UGT1A10: variants seen among roughly 807,000 people sequenced by gnomAD.
UGT1A10 encodes the protein UDP-glucuronosyltransferase 1A10.
In UGT1A10, 49 loss-of-function variants were observed where a neutral mutation model predicts 45.8. The ratio of observed to expected loss-of-function variants is 1.07; its 90% CI spans 0.85 to 1.36. The LOEUF (loss-of-function observed/expected upper bound fraction) is 1.36, where lower values mean the gene tolerates loss of function less well. UGT1A10 is among the 40% of genes most tolerant of loss of function. The pLI is 0.00. For synonymous variants in UGT1A10, 284 were observed against 249.7 expected (o/e 1.14, Z -1.29); for missense variants, 745 against 668.6 (o/e 1.11, Z -1.26).
chr2:233,716,263 C>A lies in UGT1A10; in HGVS notation c.856-50771C>A, dbSNP rs188566072. Reference sequence around the variant, plus strand: ...TGCCCGGACATCCAGCATAATCTCCCCATGTCAAAACCCTTAATATAATCA... The same window carrying A: ...TGCCCGGACATCCAGCATAATCTCCACATGTCAAAACCCTTAATATAATCA... On this transcript the variant is annotated intron_variant, in intron 1 of 4. Transcript: ENST00000344644. Among the ~76,000 whole-genome samples the A allele has an allele frequency of 7.2e-4, 110 of 152,288 alleles. 1 individual carries two copies. Among genetic ancestry groups the A allele is most frequent in the Non-Finnish European group, 1.2e-3 (81 of 68,028 alleles).
chr2:233,676,461 C>T (rs1329467073), intron 1 of UGT1A10, among the ~76,000 whole-genome samples: 1 of 152,204 alleles, frequency 6.6e-6, no homozygotes, highest in Non-Finnish European at 1.5e-5. Flanking sequence ...TCCATCACAA[C>T]TCATTCACCA....
intron 1 of UGT1A10, chr2:233,739,149 C>T (rs912480643): frequency 6.6e-6 from 1 of 152,208 alleles, no homozygotes; most frequent in African/African-American, 2.4e-5. Context: ...TGGGAACCTC[C>T]ACATAAATTT....
chr2:233,669,577 A>ATT (rs2074140450), intron 1 of UGT1A10, among the ~76,000 whole-genome samples: 1 of 152,018 alleles, frequency 6.6e-6, no homozygotes, highest in East Asian at 1.9e-4. Context: ...TTTCATTCCA[A>ATT]TTTTCAATTG....
chr2:233,648,116 C>T, intron 1 of UGT1A10: 2 of 1,420,290 alleles, frequency 1.4e-6, no homozygotes, highest in Non-Finnish European at 1.9e-6. Context: ...ATGGCTTTTG[C>T]CAATGCTCAA....
intron 1 of UGT1A10, chr2:233,672,648 T>G (rs1413918470): frequency 6.2e-7 from 1 of 1,613,928 alleles, no homozygotes; most frequent in East Asian, 2.2e-5. Flanking sequence ...TCCAAACACC[T>G]GTTACGGAGT....
intron 1 of UGT1A10, among the ~76,000 whole-genome samples, chr2:233,746,488 T>C (rs978125229): frequency 6.6e-6 from 1 of 151,814 alleles, no homozygotes; most frequent in Non-Finnish European, 1.5e-5. Context: ...TCCATGGACA[T>C]GTCACTCTTT....
chr2:233,698,871 A>C (rs2075466762), intron 1 of UGT1A10, among the ~76,000 whole-genome samples: 1 of 152,220 alleles, frequency 6.6e-6, no homozygotes, highest in African/African-American at 2.4e-5. Flanking sequence ...TGACTTTGCG[A>C]CTTTGACCAA....
chr2:233,744,229 G>C (rs1245532493), intron 1 of UGT1A10, among the ~76,000 whole-genome samples: 2 of 151,826 alleles, frequency 1.3e-5, no homozygotes, highest in Non-Finnish European at 2.9e-5. Flanking sequence ...AAAAGAGAGG[G>C]CCTTGACTTT....
intron 1 of UGT1A10, among the ~76,000 whole-genome samples, chr2:233,651,567 A>G (rs1022541784): frequency 6.6e-6 from 1 of 152,234 alleles, no homozygotes; most frequent in African/African-American, 2.4e-5. Context: ...GATATCAAAG[A>G]GTGCCCTTTG....
chr2:233,716,479 C>T (rs977353468), intron 1 of UGT1A10, among the ~76,000 whole-genome samples: 2 of 152,108 alleles, frequency 1.3e-5, no homozygotes, highest in African/African-American at 4.8e-5. Context: ...TTCTGTCCTC[C>T]GTAGTCTTCT....
Position 233,715,881 on chromosome 2 carries a change from C to T in UGT1A10, c.856-51153C>T, listed in dbSNP as rs867563291. Among the ~76,000 whole-genome samples the T allele has an allele frequency of 2.6e-5, 4 of 152,154 alleles. No individual in the cohort carries two copies. In the South Asian group the frequency reaches 8.3e-4, roughly 32 times the overall value. On this transcript the variant is annotated intron_variant, in intron 1 of 4. Coordinates refer to ENST00000344644, the MANE Select transcript of UGT1A10 (RefSeq NM_019075.4). Reference sequence around the variant, plus strand: ...GGTGCAGTAGCTTGTGCCTGTGGCCCCAGCTACTTGGGAGGCTCAGGTGGG... The same window carrying T: ...GGTGCAGTAGCTTGTGCCTGTGGCCTCAGCTACTTGGGAGGCTCAGGTGGG...
intron 1 of UGT1A10, among the ~76,000 whole-genome samples, chr2:233,724,360 G>T (rs1455285943): frequency 2.7e-5 from 4 of 146,576 alleles, no homozygotes; most frequent in Non-Finnish European, 4.5e-5. Context: ...CCTCCCTCCC[G>T]GACGGGGTGG....
intron 1 of UGT1A10, among the ~76,000 whole-genome samples, chr2:233,757,694 G>C (rs757732265): frequency 2.6e-5 from 4 of 151,666 alleles, no homozygotes; most frequent in Non-Finnish European, 5.9e-5. Context: ...ATTCAAGGAA[G>C]GTGGCTTTGC....
At chr2:233,683,694 C>T (rs527656893) in intron 1 of UGT1A10, among the ~76,000 whole-genome samples, 2 of 152,180 alleles carry the variant, frequency 1.3e-5, no homozygotes, top group Non-Finnish European at 2.9e-5. Flanking sequence ...CTCTGCATTT[C>T]ATTATTTTTG....
At chr2:233,730,892 ACTC>A (rs1261196505) in intron 1 of UGT1A10, among the ~76,000 whole-genome samples, 1 of 151,952 alleles carries the variant, frequency 6.6e-6, no homozygotes, top group African/African-American at 2.4e-5. Context: ...AGTGGGATCT[ACTC>A]CTTTACCAAA....
At chr2:233,687,080 T>A (rs1476321317) in intron 1 of UGT1A10, among the ~76,000 whole-genome samples, 1 of 152,208 alleles carries the variant, frequency 6.6e-6, no homozygotes, top group African/African-American at 2.4e-5. Context: ...ATTTCATAAG[T>A]ACTTCAGCTG....
intron 1 of UGT1A10, chr2:233,691,708 C>G: frequency 1.1e-6 from 1 of 937,570 alleles, no homozygotes; most frequent in Non-Finnish European, 1.3e-6. Flanking sequence ...AGTCACTCCC[C>G]TGGCAGATGG....
intron 1 of UGT1A10, among the ~76,000 whole-genome samples, chr2:233,715,363 T>C (rs142199192): frequency 1.3e-5 from 2 of 150,268 alleles, no homozygotes; most frequent in African/African-American, 4.9e-5. Context: ...TTGAGACTTA[T>C]ATTTTCTTCA....
chr2:233,745,046 G>T (rs1021131728), intron 1 of UGT1A10, among the ~76,000 whole-genome samples: 1 of 151,780 alleles, frequency 6.6e-6, no homozygotes, highest in African/African-American at 2.4e-5. Flanking sequence ...TACAGTATTG[G>T]TTTTTTATTT....
Sources: gnomAD v4.1 joint callset for allele counts (sites outside exome capture counted in the v4.1 genomes callset) on GRCh38, gnomAD v4.1.1 for gene constraint, MANE v1.5 for transcripts, NCBI Gene and HGNC (gene_info 2026-07-23, HGNC 2026-07-21) for gene names.